Variants in DMD observed in about 807,000 individuals in gnomAD.
The protein encoded by DMD is dystrophin.
Under a neutral mutation model 330.1 loss-of-function variants are expected in DMD, and 63 were observed. The observed-to-expected ratio is 0.19, with a 90% CI of 0.16 to 0.24. The LOEUF (loss-of-function observed/expected upper bound fraction) is 0.24, where lower values mean the gene tolerates loss of function less well. DMD is among the 10% of genes least tolerant of loss of function. The pLI is 1.00. For missense variants in DMD, 3,344 were observed against 2,684.1 expected, an observed-to-expected ratio of 1.25 and a Z score of -5.43; for synonymous variants, 1,223 against 959.8, an observed-to-expected ratio of 1.27 and a Z score of -5.07.
chrX:32,225,930 C>A (rs777454586), intron 43 of DMD, among the ~76,000 whole-genome samples: 1 of 111,659 alleles, frequency 9.0e-6, no homozygotes. Flanking sequence ...GCAAGAATGG[C>A]CTAATCCAGT....
intron 2 of DMD, among the ~76,000 whole-genome samples, chrX:32,956,012 G>C (rs2091561481): frequency 9.0e-6 from 1 of 111,213 alleles, no homozygotes; most frequent in African/African-American, 3.3e-5. Flanking sequence ...GTATTGCCTT[G>C]GCTACTTGGG....
At chrX:32,614,529 G>A in intron 11 of DMD, 76 bp from the exon 12 acceptor site, 1 of 893,215 alleles carries the variant, frequency 1.1e-6, no homozygotes, top group Non-Finnish European at 1.6e-6. Context: ...TAAAACAATA[G>A]AATTTATAAT....
At chrX:32,748,532 G>A (rs1416715757) in intron 7 of DMD, among the ~76,000 whole-genome samples, 1 of 111,083 alleles carries the variant, frequency 9.0e-6, no homozygotes, top group Non-Finnish European at 1.9e-5. Flanking sequence ...TACATCTACA[G>A]AACTTCAGAA....
intron 48 of DMD, among the ~76,000 whole-genome samples, chrX:31,848,298 C>T (rs1471865148): frequency 1.8e-5 from 2 of 111,446 alleles, no homozygotes; most frequent in African/African-American, 3.3e-5. Flanking sequence ...ATATCCAGGT[C>T]AGAGAACTGG....
intron 44 of DMD, among the ~76,000 whole-genome samples, chrX:32,037,042 C>T (rs2095953921): frequency 9.0e-6 from 1 of 111,306 alleles, no homozygotes; most frequent in Non-Finnish European, 1.9e-5. Context: ...GCAGGGCTGG[C>T]AACATGATGT....
At chrX:31,712,962 G>T (rs1348743116) in intron 52 of DMD, among the ~76,000 whole-genome samples, 1 of 111,312 alleles carries the variant, frequency 9.0e-6, no homozygotes, top group Non-Finnish European at 1.9e-5. Flanking sequence ...ATTAGAAGAG[G>T]ATGGAAGTGG....
intron 48 of DMD, among the ~76,000 whole-genome samples, chrX:31,863,683 TAA>T (rs2093750375): frequency 8.9e-6 from 1 of 111,879 alleles, no homozygotes; most frequent in African/African-American, 3.2e-5. Flanking sequence ...TGGTTATTAC[TAA>T]GTGTATTTAT....
intron 60 of DMD, among the ~76,000 whole-genome samples, chrX:31,356,812 A>T (rs773246437): frequency 4.5e-5 from 5 of 111,589 alleles, no homozygotes; most frequent in Non-Finnish European, 9.4e-5. Context: ...GAAAAGCAGC[A>T]ATCAACCTCC....
chrX:31,279,706 A>T (rs1185594290), intron 62 of DMD, among the ~76,000 whole-genome samples: 7 of 112,398 alleles, frequency 6.2e-5, no homozygotes, highest in African/African-American at 2.3e-4. Flanking sequence ...ACAGATGCAT[A>T]AGCATGCCTG....
chrX:31,807,841 G>A (rs1243741821), intron 50 of DMD, among the ~76,000 whole-genome samples: 3 of 111,934 alleles, frequency 2.7e-5, no homozygotes, highest in Non-Finnish European at 5.6e-5. Context: ...CCAAGATTCA[G>A]TATGTTTAAC....
intron 7 of DMD, among the ~76,000 whole-genome samples, chrX:32,749,738 T>C (rs1042389115): frequency 8.9e-6 from 1 of 112,344 alleles, no homozygotes; most frequent in African/African-American, 3.2e-5. Flanking sequence ...ACTCTGATAA[T>C]TGAGGTAGAC....
At chrX:32,835,929 G>A (rs1399689641) in intron 4 of DMD, among the ~76,000 whole-genome samples, 1 of 110,207 alleles carries the variant, frequency 9.1e-6, no homozygotes, top group Admixed American at 9.7e-5. Flanking sequence ...TTAAACCAGG[G>A]TTTCTTTTCA....
At chrX:32,598,141 C>T (rs150150870) in intron 12 of DMD, among the ~76,000 whole-genome samples, 1,204 of 112,227 alleles carry the variant, frequency 0.011, 22 homozygotes, top group African/African-American at 0.038. Context: ...ACTATAAAAT[C>T]ACTTCTTTTT....
chrX:31,558,565 A>AT (rs1460832315), intron 55 of DMD, among the ~76,000 whole-genome samples: 1 of 111,335 alleles, frequency 9.0e-6, no homozygotes. Context: ...AATAGGTCAC[A>AT]TAAGTATGTA....
At chrX:31,749,952 G>T (rs1482669314) in intron 51 of DMD, among the ~76,000 whole-genome samples, 2 of 107,607 alleles carry the variant, frequency 1.9e-5, no homozygotes, top group Non-Finnish European at 3.8e-5. Flanking sequence ...CTTTTGAGAA[G>T]TGTCTGTTCA....
chrX:33,113,150 T>A (rs1454242896), intron 1 of DMD, among the ~76,000 whole-genome samples: 1 of 104,668 alleles, frequency 9.6e-6, no homozygotes, highest in Non-Finnish European at 2.0e-5. Context: ...GCCTCCCAAG[T>A]TCAAGAGATT....
chrX:32,169,688 T>A (rs897973045), intron 44 of DMD, among the ~76,000 whole-genome samples: 2 of 111,880 alleles, frequency 1.8e-5, no homozygotes, highest in African/African-American at 6.5e-5. Flanking sequence ...TGTGTCCATC[T>A]GTCCACAATC....
intron 27 of DMD, among the ~76,000 whole-genome samples, chrX:32,446,302 A>G (rs1440537527): frequency 5.4e-5 from 6 of 110,421 alleles, no homozygotes; most frequent in Non-Finnish European, 7.6e-5. Flanking sequence ...CAGGACGAAG[A>G]GAAAATTTAA....
At chrX:32,586,301 G>T (rs761397332) in intron 13 of DMD, among the ~76,000 whole-genome samples, 1 of 109,138 alleles carries the variant, frequency 9.2e-6, no homozygotes, top group Non-Finnish European at 1.9e-5. Flanking sequence ...TAATGCAATC[G>T]AGTGTGACAG....
Sources: allele counts gnomAD v4.1 joint callset (sites outside exome capture counted in the v4.1 genomes callset), GRCh38; gene constraint gnomAD v4.1.1; transcripts MANE v1.5; gene names NCBI Gene and HGNC (gene_info 2026-07-23, HGNC 2026-07-21).